SDK1: variants seen among roughly 807,000 people sequenced by gnomAD.
SDK1 encodes the protein sidekick cell adhesion molecule 1.
In SDK1, 157 loss-of-function variants were observed where a neutral mutation model predicts 245.5. That is an observed-to-expected ratio of 0.64 (90% CI 0.56 to 0.73). SDK1 has a LOEUF of 0.73. SDK1 is among the 30% of genes least tolerant of loss of function. The probability of loss-of-function intolerance (pLI) is 0.00; values close to 1 mark genes in which losing one functional copy is unlikely to be tolerated. For missense variants in SDK1, 3,583 were observed against 3,002.3 expected (o/e 1.19, Z -4.52); for synonymous variants, 1,647 against 1,278.5 (o/e 1.29, Z -6.15).
Position 4,221,378 on chromosome 7 carries a change from C to G in SDK1, c.5827+14C>G. 1 of 1,596,528 alleles carries G rather than the reference C, an allele frequency of 6.3e-7. No individual in the cohort carries two copies. The highest frequency in any genetic ancestry group is 8.5e-7 in the Non-Finnish European group (1 of 1,172,412). On this transcript the variant is annotated intron_variant, in intron 40 of 44. Transcript: ENST00000404826. ...CCCGGCCCTCAGGTAGGGTGGCAGG[C>G]CCCACAAACGGGGTCTCAGCCCAGC...
At chr7:4,079,809 G>A (rs1214940321) in intron 22 of SDK1, among the ~76,000 whole-genome samples, 2 of 152,194 alleles carry the variant, frequency 1.3e-5, no homozygotes, top group South Asian at 4.1e-4. Context: ...ACAAGGATAA[G>A]AAGGGTTAAA....
intron 1 of SDK1, among the ~76,000 whole-genome samples, chr7:3,378,999 G>C (rs561075041): frequency 6.6e-6 from 1 of 152,058 alleles, no homozygotes; most frequent in East Asian, 1.9e-4. Flanking sequence ...CCAGCTTCTC[G>C]TTAATTACTT....
intron 1 of SDK1, among the ~76,000 whole-genome samples, chr7:3,493,634 T>C (rs1461825282): frequency 1.2e-4 from 19 of 152,226 alleles, no homozygotes. Flanking sequence ...GTTAGGAATG[T>C]TATCTTCATG....
chr7:3,669,159 T>G (rs1189982134), intron 4 of SDK1, among the ~76,000 whole-genome samples: 2 of 152,184 alleles, frequency 1.3e-5, no homozygotes, highest in Non-Finnish European at 2.9e-5. Flanking sequence ...ACATATTGGT[T>G]AGTGTAAATG....
At chr7:3,866,325 C>G (rs73312022) in intron 5 of SDK1, among the ~76,000 whole-genome samples, 3,143 of 152,280 alleles carry the variant, frequency 0.021, 100 homozygotes, top group African/African-American at 0.072. Flanking sequence ...GATGACCCTG[C>G]TCTTCTGAGC....
In SDK1 at chr7:4,174,286, A is replaced by C; in HGVS notation, c.4865A>C (p.Glu1622Ala). 6.2e-7 allele frequency: 1 copy of C among 1,613,940 alleles called. No homozygotes were observed. Among genetic ancestry groups the C allele is most frequent in the African/African-American group, 1.3e-5 (1 of 75,042 alleles). ...TACAGGATCTACTACAGGGAGCTGG[A>C]GTATGAAGCCGGGTCAGGCACTGAG... ...QGYRIYYREL[E>A]YEAGSGTEAK... The change falls in exon 33 of 45, where the codon GAG becomes GCG. Residue 1622 changes from glutamate to alanine, a missense_variant. Coordinates refer to ENST00000404826, the MANE Select transcript of SDK1 (RefSeq NM_152744.4).
At chr7:3,570,702 G>T (rs1780087508) in intron 1 of SDK1, among the ~76,000 whole-genome samples, 1 of 152,166 alleles carries the variant, frequency 6.6e-6, no homozygotes, top group South Asian at 2.1e-4. Flanking sequence ...GCCATATCCT[G>T]CAGTCTCACG....
intron 5 of SDK1, among the ~76,000 whole-genome samples, chr7:3,920,077 A>C (rs1203850875): frequency 6.6e-6 from 1 of 152,202 alleles, no homozygotes; most frequent in Non-Finnish European, 1.5e-5. Context: ...AGACGAAGCC[A>C]CGTGCAGGGG....
chr7:3,525,877 T>C (rs925063923), intron 1 of SDK1, among the ~76,000 whole-genome samples: 1 of 152,196 alleles, frequency 6.6e-6, no homozygotes, highest in African/African-American at 2.4e-5. Flanking sequence ...ATTCACATTT[T>C]ACCAAGCACT....
intron 4 of SDK1, among the ~76,000 whole-genome samples, chr7:3,803,999 C>T (rs1224773615): frequency 4.6e-5 from 7 of 152,100 alleles, no homozygotes; most frequent in Non-Finnish European, 8.8e-5. Context: ...CTCCTGACCT[C>T]GTGATCCACC....
chr7:3,384,600 G>A (rs944221120), intron 1 of SDK1, among the ~76,000 whole-genome samples: 12 of 148,740 alleles, frequency 8.1e-5, no homozygotes, highest in Non-Finnish European at 1.6e-4. Flanking sequence ...CTCGAACATC[G>A]AAGGACTTCG....
rs562116979 is a variant in SDK1, at chr7:4,096,201, G to A, written c.3325-14462G>A. On this transcript the variant is annotated intron_variant, in intron 22 of 44. Coordinates refer to ENST00000404826, the MANE Select transcript of SDK1 (RefSeq NM_152744.4). ...AGAGTCTCCTGGAATAAGACACTCAGATCCCCTCACTCTACCTTTACTGCT... is the reference window on the plus strand; with the variant it reads ...AGAGTCTCCTGGAATAAGACACTCAAATCCCCTCACTCTACCTTTACTGCT... Among the ~76,000 whole-genome samples, 28 of 152,342 alleles carry A rather than the reference G, an allele frequency of 1.8e-4. 2 individuals are homozygous for A. In the South Asian group the frequency reaches 5.4e-3, roughly 29 times the overall value.
chr7:3,686,900 C>G (rs1784299397), intron 4 of SDK1, among the ~76,000 whole-genome samples: 1 of 152,126 alleles, frequency 6.6e-6, no homozygotes, highest in African/African-American at 2.4e-5. Flanking sequence ...GTGCCTGGCC[C>G]TGGAGCAACT....
At chr7:3,919,989 T>C (rs998013316) in intron 5 of SDK1, among the ~76,000 whole-genome samples, 1 of 151,880 alleles carries the variant, frequency 6.6e-6, no homozygotes, top group Non-Finnish European at 1.5e-5. Flanking sequence ...TGGGAAGGCT[T>C]TAGGGAGTGG....
chr7:4,129,762 A>G, intron 26 of SDK1, 146 bp from the exon 27 acceptor site: 1 of 1,463,416 alleles, frequency 6.8e-7, no homozygotes, highest in Non-Finnish European at 9.0e-7. Context: ...TGGACAAATT[A>G]GATCCAGAAG....
chr7:3,903,774 GGT>G (rs1562525165), intron 5 of SDK1, among the ~76,000 whole-genome samples: 1 of 152,136 alleles, frequency 6.6e-6, no homozygotes, highest in Non-Finnish European at 1.5e-5. Context: ...CCGTGTTGGA[GGT>G]GGGGCCTCAT....
intron 11 of SDK1, among the ~76,000 whole-genome samples, chr7:3,969,689 A>G (rs1376081770): frequency 6.6e-6 from 1 of 152,246 alleles, no homozygotes; most frequent in East Asian, 1.9e-4. Flanking sequence ...TGGAGATATT[A>G]CACAAAACTA....
Position 3,590,372 on chromosome 7 carries a change from C to G in SDK1, c.299-28708C>G, listed in dbSNP as rs188644708. ...TATAGACAAAATACAATAGCAAAGA[C>G]AAATTATGGATAAATTGGAAAATCA... On this transcript the variant is annotated intron_variant, in intron 1 of 44. Coordinates refer to ENST00000404826, the MANE Select transcript of SDK1 (RefSeq NM_152744.4). Among the ~76,000 whole-genome samples, 19 of 126,066 alleles carry G rather than the reference C, an allele frequency of 1.5e-4. No homozygotes were observed. In the Admixed American group the frequency reaches 1.9e-3, roughly 12 times the overall value. The allele number at this position is 126,066 out of a possible 152,430, so 82.7% of individuals were successfully genotyped here.
intron 38 of SDK1, among the ~76,000 whole-genome samples, chr7:4,211,702 C>T (rs112593098): frequency 0.042 from 6,340 of 152,256 alleles, 187 homozygotes; most frequent in South Asian, 0.076. Flanking sequence ...CTCCGCCTCC[C>T]GGGTTCGCAC....
Sources: gnomAD v4.1 joint callset for allele counts (sites outside exome capture counted in the v4.1 genomes callset) on GRCh38, gnomAD v4.1.1 for gene constraint, MANE v1.5 for transcripts, NCBI Gene and HGNC (gene_info 2026-07-23, HGNC 2026-07-21) for gene names.